ROBO2: variants seen among roughly 807,000 people sequenced by gnomAD.
ROBO2 encodes roundabout guidance receptor 2.
In ROBO2, 53 loss-of-function variants were observed where a neutral mutation model predicts 160.8. That is an observed-to-expected ratio of 0.33 (90% CI 0.26 to 0.41). ROBO2 has a LOEUF of 0.41. Among genes scored for constraint, ROBO2 ranks in the 10% least tolerant of loss-of-function variants. ROBO2 has a pLI of 1.00. For synonymous variants in ROBO2, 664 were observed against 611.7 expected (o/e 1.09, Z -1.26); for missense variants, 1,577 against 1,722.4 (o/e 0.92, Z 1.49).
intron 2 of ROBO2, among the ~76,000 whole-genome samples, chr3:76,194,386 A>ATATATATATG (rs1702162843): frequency 2.1e-5 from 3 of 142,174 alleles, no homozygotes; most frequent in East Asian, 2.1e-4. Context: ...ATATATATAT[A>ATATATATATG]GTGTGAGGAC....
At chr3:76,584,597 T>A (rs1209697876) in intron 2 of ROBO2, among the ~76,000 whole-genome samples, 1 of 152,078 alleles carries the variant, frequency 6.6e-6, no homozygotes, top group Non-Finnish European at 1.5e-5. Flanking sequence ...CCCACAGCCC[T>A]CAGAAGGGAC....
chr3:76,014,072 C>T (rs1576483450), intron 2 of ROBO2, among the ~76,000 whole-genome samples: 1 of 146,758 alleles, frequency 6.8e-6, no homozygotes, highest in African/African-American at 2.5e-5. Flanking sequence ...GTGGCTTATG[C>T]GTGTAATCCC....
intron 2 of ROBO2, among the ~76,000 whole-genome samples, chr3:76,216,076 G>A (rs551681655): frequency 1.9e-4 from 29 of 152,238 alleles, no homozygotes; most frequent in African/African-American, 6.3e-4. Context: ...CATAAGTGAA[G>A]GAGAAATAAA....
chr3:76,507,810 G>A (rs1388348250), intron 2 of ROBO2, among the ~76,000 whole-genome samples: 2 of 151,994 alleles, frequency 1.3e-5, no homozygotes, highest in African/African-American at 2.4e-5. Context: ...TCTACAATCC[G>A]TTCTTTCTAC....
At chr3:76,015,196 A>G (rs1403348276) in intron 2 of ROBO2, among the ~76,000 whole-genome samples, 1 of 152,222 alleles carries the variant, frequency 6.6e-6, no homozygotes, top group African/African-American at 2.4e-5. Flanking sequence ...TGTGGTTACC[A>G]AATTACAAAT....
chr3:76,389,028 A>G (rs1400081314), intron 2 of ROBO2, among the ~76,000 whole-genome samples: 1 of 152,236 alleles, frequency 6.6e-6, no homozygotes, highest in African/African-American at 2.4e-5. Context: ...ACTTAAAAAA[A>G]CTATACATAG....
intron 2 of ROBO2, among the ~76,000 whole-genome samples, chr3:76,684,044 T>C (rs2107010444): frequency 6.6e-6 from 1 of 152,134 alleles, no homozygotes; most frequent in South Asian, 2.1e-4. Flanking sequence ...CGATGCCAAC[T>C]GGAGATGATT....
intron 2 of ROBO2, among the ~76,000 whole-genome samples, chr3:76,091,686 C>T (rs1052510265): frequency 2.0e-5 from 3 of 152,012 alleles, no homozygotes; most frequent in Non-Finnish European, 2.9e-5. Context: ...AGATTTCCTT[C>T]GGTAATTGAG....
intron 2 of ROBO2, among the ~76,000 whole-genome samples, chr3:77,461,590 A>G (rs1044355869): frequency 1.3e-5 from 2 of 152,036 alleles, no homozygotes; most frequent in African/African-American, 2.4e-5. Context: ...CATATGAAAT[A>G]TAAAAGACAT....
intron 2 of ROBO2, among the ~76,000 whole-genome samples, chr3:77,284,013 G>A (rs115872733): frequency 0.019 from 2,818 of 152,242 alleles, 34 homozygotes; most frequent in Non-Finnish European, 0.029. Context: ...CTTGGAATTT[G>A]CATCACAATA....
chr3:77,484,071 A>G (rs889715725), intron 4 of ROBO2, among the ~76,000 whole-genome samples: 3 of 152,014 alleles, frequency 2.0e-5, no homozygotes, highest in Non-Finnish European at 4.4e-5. Context: ...TTACTGTGCC[A>G]TACTCCATGA....
intron 2 of ROBO2, among the ~76,000 whole-genome samples, chr3:76,453,967 T>G (rs1389962827): frequency 6.6e-6 from 1 of 152,118 alleles, no homozygotes; most frequent in South Asian, 2.1e-4. Flanking sequence ...AGTGCATGAG[T>G]ACCTGTCTAT....
intron 2 of ROBO2, among the ~76,000 whole-genome samples, chr3:76,393,007 A>G (rs1421516479): frequency 6.6e-6 from 1 of 152,200 alleles, no homozygotes; most frequent in East Asian, 1.9e-4. Context: ...TTGGATGTGA[A>G]GATGTATTAT....
At chr3:76,742,054 A>G (rs2093810395) in intron 2 of ROBO2, among the ~76,000 whole-genome samples, 1 of 152,030 alleles carries the variant, frequency 6.6e-6, no homozygotes, top group African/African-American at 2.4e-5. Flanking sequence ...AACAGCTAAT[A>G]AATGAGTGAA....
chr3:77,092,980 C>G (rs531477433), intron 1 of ROBO2, among the ~76,000 whole-genome samples: 1 of 151,868 alleles, frequency 6.6e-6, no homozygotes, highest in South Asian at 2.1e-4. Context: ...GGTGGGCAAA[C>G]CTTGGTAAAT....
At chr3:77,291,340 G>C (rs539596816) in intron 2 of ROBO2, among the ~76,000 whole-genome samples, 1 of 117,414 alleles carries the variant, frequency 8.5e-6, no homozygotes, top group African/African-American at 3.4e-5. Flanking sequence ...CACCCCAGAC[G>C]TAAAGTAAAA....
intron 2 of ROBO2, among the ~76,000 whole-genome samples, chr3:76,023,670 A>G (rs1576523605): frequency 6.6e-6 from 1 of 151,762 alleles, no homozygotes; most frequent in African/African-American, 2.4e-5. Flanking sequence ...ATATATAACC[A>G]TAACTATAAA....
At chr3:76,707,323 C>A (rs777205005) in intron 2 of ROBO2, among the ~76,000 whole-genome samples, 5 of 152,000 alleles carry the variant, frequency 3.3e-5, no homozygotes, top group Non-Finnish European at 5.9e-5. Context: ...TAGGTGATTC[C>A]TTTGGCCATT....
intron 2 of ROBO2, among the ~76,000 whole-genome samples, chr3:76,602,932 T>C (rs1203701815): frequency 2.0e-5 from 3 of 152,234 alleles, no homozygotes; most frequent in Non-Finnish European, 4.4e-5. Context: ...GAGACATTTT[T>C]CCTCATACTT....
Sources: allele counts gnomAD v4.1 joint callset (sites outside exome capture counted in the v4.1 genomes callset), GRCh38; gene constraint gnomAD v4.1.1; transcripts MANE v1.5; gene names NCBI Gene and HGNC (gene_info 2026-07-23, HGNC 2026-07-21).